The following ACOT1 variants were observed in gnomAD, a reference collection of about 807,000 sequenced individuals.
ACOT1 encodes the protein acyl-CoA thioesterase 1, also known as acyl-coenzyme A thioesterase 1.
Under a neutral mutation model 15.7 loss-of-function variants are expected in ACOT1, and 8 were observed. The ratio of observed to expected loss-of-function variants is 0.51; its 90% CI spans 0.30 to 0.92. The LOEUF (loss-of-function observed/expected upper bound fraction) is 0.92. Among genes scored for constraint, ACOT1 ranks in the 40% least tolerant of loss-of-function variants. ACOT1 has a pLI of 0.06. For missense variants in ACOT1, 151 were observed against 539.4 expected, an observed-to-expected ratio of 0.28 and a Z score of 7.13; for synonymous variants, 67 against 241.2, an observed-to-expected ratio of 0.28 and a Z score of 6.69.
the ACOT1 span, among the ~76,000 whole-genome samples, chr14:73,515,693 A>T: frequency 7.2e-6 from 1 of 138,822 alleles, no homozygotes; most frequent in African/African-American, 2.8e-5. Flanking sequence ...AAAAAAAAAA[A>T]AAAAAGAGTC....
chr14:73,506,817 T>TTTTTTTTTTTTTTTTTTTTTTTTTG, the ACOT1 span, among the ~76,000 whole-genome samples: 1 of 135,690 alleles, frequency 7.4e-6, no homozygotes, highest in Admixed American at 7.3e-5. Context: ...TTTTTTTTTT[T>TTTTTTTTTTTTTTTTTTTTTTTTTG]TTTTTTTTCT....
At chr14:73,521,085 G>T in the ACOT1 span, 5 of 1,520,052 alleles carry the variant, frequency 3.3e-6, no homozygotes, top group African/African-American at 1.4e-5. Context: ...AGAGTAGGAG[G>T]TGGATCCCCC....
chr14:73,493,306 T>C, the ACOT1 span: 1 of 579,360 alleles, frequency 1.7e-6, no homozygotes, highest in Non-Finnish European at 3.1e-6. Context: ...CTGAGTTCTT[T>C]TTCATGGGCG....
chr14:73,512,957 G>T, the ACOT1 span, among the ~76,000 whole-genome samples: 1 of 152,098 alleles, frequency 6.6e-6, no homozygotes, highest in Non-Finnish European at 1.5e-5. Flanking sequence ...AACAGTCCTT[G>T]CCAGGCCATT....
the ACOT1 span, among the ~76,000 whole-genome samples, chr14:73,508,884 C>T: frequency 6.6e-6 from 1 of 151,438 alleles, no homozygotes; most frequent in Non-Finnish European, 1.5e-5. Context: ...CTTGCTCTGT[C>T]ACCCAGGTTG....
chr14:73,491,665 T>C, the ACOT1 span: 1 of 1,549,916 alleles, frequency 6.5e-7, no homozygotes, highest in Non-Finnish European at 8.7e-7. Context: ...TGCCGCCAGA[T>C]CACTTTTACC....
chr14:73,506,192 T>C, the ACOT1 span, among the ~76,000 whole-genome samples: 1 of 152,156 alleles, frequency 6.6e-6, no homozygotes, highest in East Asian at 1.9e-4. Context: ...CCCGGCCTAC[T>C]ATAAACGTTT....
At chr14:73,519,481 C>T in the ACOT1 span, among the ~76,000 whole-genome samples, 6 of 152,120 alleles carry the variant, frequency 3.9e-5, no homozygotes, top group Non-Finnish European at 8.8e-5. Flanking sequence ...TGTGGTGGCT[C>T]ACACCTGTAA....
At chr14:73,503,500 A>T in the ACOT1 span, among the ~76,000 whole-genome samples, 1 of 152,290 alleles carries the variant, frequency 6.6e-6, no homozygotes, top group African/African-American at 2.4e-5. Context: ...TTACTACACG[A>T]TGATGTGTAA....
chr14:73,518,760 C>T, the ACOT1 span, among the ~76,000 whole-genome samples: 5 of 152,144 alleles, frequency 3.3e-5, no homozygotes, highest in Admixed American at 6.6e-5. Context: ...TTATTGGTAA[C>T]TAGTGGCCCT....
At chr14:73,497,441 T>C in the ACOT1 span, among the ~76,000 whole-genome samples, 1 of 152,170 alleles carries the variant, frequency 6.6e-6, no homozygotes. Context: ...AACCCTATAA[T>C]GTAGACTATC....
chr14:73,491,668 C>T, the ACOT1 span: 156 of 1,550,110 alleles, frequency 1.0e-4, 1 homozygote, highest in South Asian at 1.4e-3. Context: ...CGCCAGATCA[C>T]TTTTACCGGC....
chr14:73,522,322 C>A, the ACOT1 span: 7 of 1,614,072 alleles, frequency 4.3e-6, no homozygotes, highest in Non-Finnish European at 5.9e-6. Flanking sequence ...CCTGTGGGGG[C>A]AGGATGACAC....
the ACOT1 span, chr14:73,491,102 G>A: frequency 6.2e-7 from 1 of 1,606,080 alleles, no homozygotes; most frequent in Non-Finnish European, 8.5e-7. Flanking sequence ...CAGCGGGTCG[G>A]TCCTGGCCCT....
At chr14:73,501,842 C>G in the ACOT1 span, among the ~76,000 whole-genome samples, 1 of 151,844 alleles carries the variant, frequency 6.6e-6, no homozygotes, top group East Asian at 1.9e-4. Flanking sequence ...CAAGCTCCAA[C>G]TCCCAGGTTC....
the ACOT1 span, among the ~76,000 whole-genome samples, chr14:73,511,560 T>TAAATA: frequency 0.031 from 2,754 of 88,912 alleles, 38 homozygotes; most frequent in Non-Finnish European, 0.044. Flanking sequence ...AATAAATAAA[T>TAAATA]AAATAAAATA....
chr14:73,526,307 T>C, the ACOT1 span, among the ~76,000 whole-genome samples: 1 of 152,214 alleles, frequency 6.6e-6, no homozygotes, highest in African/African-American at 2.4e-5. Context: ...CAGCTGGTTC[T>C]GCCACCAGCT....
the ACOT1 span, among the ~76,000 whole-genome samples, chr14:73,526,918 A>C: frequency 6.6e-6 from 1 of 152,006 alleles, no homozygotes; most frequent in African/African-American, 2.4e-5. Context: ...CTTCCCCCCA[A>C]CTCCAGACAG....
At chr14:73,514,288 A>G in the ACOT1 span, 1 of 1,524,808 alleles carries the variant, frequency 6.6e-7, no homozygotes, top group Non-Finnish European at 9.0e-7. Context: ...AGGCCCTGCC[A>G]CACAGTGGCC....
Sources: gnomAD v4.1 joint callset for allele counts (sites outside exome capture counted in the v4.1 genomes callset) on GRCh38, gnomAD v4.1.1 for gene constraint, MANE v1.5 for transcripts, NCBI Gene and HGNC (gene_info 2026-07-23, HGNC 2026-07-21) for gene names.